SMOC1: variants seen among roughly 807,000 people sequenced by gnomAD.
The protein encoded by SMOC1 is SPARC related modular calcium binding 1, also known as SPARC-related modular calcium-binding protein 1.
SMOC1 carries 22 observed loss-of-function variants against 56.3 expected under a neutral mutation model. The observed-to-expected ratio is 0.39, with a 90% CI of 0.28 to 0.56. SMOC1 has a LOEUF of 0.56. Among genes scored for constraint, SMOC1 ranks in the 20% least tolerant of loss-of-function variants. The pLI, the probability that SMOC1 is intolerant of heterozygous loss-of-function variation, is 0.61. For missense variants in SMOC1, 509 were observed against 565.4 expected (o/e 0.90, Z 1.01); for synonymous variants, 193 against 215.0 (o/e 0.90, Z 0.89).
At chr14:69,904,025 T>G (rs1884341571) in intron 1 of SMOC1, among the ~76,000 whole-genome samples, 1 of 152,206 alleles carries the variant, frequency 6.6e-6, no homozygotes, top group Non-Finnish European at 1.5e-5. Context: ...TCAGCCTTGC[T>G]GACCTTCCAG....
intron 5 of SMOC1, 135 bp from the exon 6 acceptor site, chr14:69,992,282 C>T (rs1555363301): frequency 3.9e-6 from 3 of 778,184 alleles, no homozygotes; most frequent in Non-Finnish European, 6.5e-6. Context: ...TCTTTTGTTT[C>T]TTTTTCTTTG....
chr14:69,883,986 A>G (rs1168414017), intron 1 of SMOC1, among the ~76,000 whole-genome samples: 2 of 135,120 alleles, frequency 1.5e-5, no homozygotes, highest in African/African-American at 5.6e-5. Context: ...GGCTCACTGC[A>G]AGCTCCGCTT....
intron 5 of SMOC1, among the ~76,000 whole-genome samples, chr14:69,979,115 T>C (rs1201731597): frequency 6.6e-6 from 1 of 152,126 alleles, no homozygotes; most frequent in Non-Finnish European, 1.5e-5. Context: ...TTGGGCTTGC[T>C]GAGGGTCATT....
intron 3 of SMOC1, among the ~76,000 whole-genome samples, chr14:69,960,760 A>G (rs1320036914): frequency 6.6e-6 from 1 of 152,080 alleles, no homozygotes; most frequent in African/African-American, 2.4e-5. Flanking sequence ...TTAGCACATA[A>G]TTGTTGCTTA....
At chr14:69,975,862 C>T (rs752736874) in intron 4 of SMOC1, 48 bp downstream of exon 4, 29 of 1,380,422 alleles carry the variant, frequency 2.1e-5, no homozygotes, top group Admixed American at 8.5e-5. Context: ...GAGAGAGACC[C>T]GTTGGTTGGT....
At chr14:69,962,688 C>A (rs1883427512) in intron 3 of SMOC1, among the ~76,000 whole-genome samples, 1 of 151,982 alleles carries the variant, frequency 6.6e-6, no homozygotes, top group Admixed American at 6.6e-5. Flanking sequence ...GCGATCCTCC[C>A]ACCTCAGCCT....
At chr14:69,946,000 C>T (rs1882767816) in intron 1 of SMOC1, among the ~76,000 whole-genome samples, 3 of 152,168 alleles carry the variant, frequency 2.0e-5, no homozygotes, top group Admixed American at 6.5e-5. Flanking sequence ...AGGGTGAGAA[C>T]AGGTCTATAT....
intron 7 of SMOC1, among the ~76,000 whole-genome samples, chr14:69,999,650 A>G (rs577205786): frequency 2.4e-4 from 36 of 152,194 alleles, no homozygotes; most frequent in Non-Finnish European, 4.6e-4. Flanking sequence ...TGGCCAGTAG[A>G]ATTGAGCTGG....
In SMOC1 at chr14:70,031,355, G is replaced by A. The variant is rs1280266782; in HGVS notation, c.*1097G>A. 2 of 141,058 alleles carry A rather than the reference G, an allele frequency of 1.4e-5. No individual in the cohort carries two copies. The highest frequency in any genetic ancestry group is 2.3e-4 in the East Asian group (1 of 4,316). 8.7% of individuals were successfully genotyped at this position (141,058 alleles called of 1,614,324 possible). ...TCTCAGTGCCAGGGGCAGATTGGGT[G>A]TGACCTCTCCACTCCTCCATCTCCT... is the stretch of plus-strand genomic sequence containing the variant. On this transcript the variant is annotated 3_prime_UTR_variant, in exon 12 of 12. Coordinates refer to ENST00000361956, the MANE Select transcript of SMOC1 (RefSeq NM_001034852.3).
intron 4 of SMOC1, among the ~76,000 whole-genome samples, chr14:69,976,323 T>G (rs1883951570): frequency 6.6e-6 from 1 of 152,204 alleles, no homozygotes; most frequent in South Asian, 2.1e-4. Flanking sequence ...CAGTGGCCCT[T>G]AAATCTGACT....
chr14:69,947,425 C>T (rs1054898580), intron 1 of SMOC1, among the ~76,000 whole-genome samples: 14 of 152,172 alleles, frequency 9.2e-5, no homozygotes, highest in Non-Finnish European at 2.1e-4. Flanking sequence ...CCTTCTTGAC[C>T]TCCCAAAGTG....
At chr14:69,979,097 G>C (rs182306240) in intron 5 of SMOC1, among the ~76,000 whole-genome samples, 1 of 152,114 alleles carries the variant, frequency 6.6e-6, no homozygotes. Flanking sequence ...CAGGGCCCAC[G>C]TGGAGCCTTG....
chr14:69,896,225 A>G (rs1168805278), intron 1 of SMOC1, among the ~76,000 whole-genome samples: 1 of 152,154 alleles, frequency 6.6e-6, no homozygotes, highest in Non-Finnish European at 1.5e-5. Flanking sequence ...TGGAGGATAG[A>G]AGTCTGAGCT....
intron 5 of SMOC1, among the ~76,000 whole-genome samples, chr14:69,989,280 A>G (rs902796129): frequency 3.9e-5 from 6 of 152,168 alleles, no homozygotes; most frequent in African/African-American, 1.4e-4. Context: ...TACCTTCCTA[A>G]TGATTAACAA....
chr14:69,953,307 G>T (rs1042185654), intron 2 of SMOC1, 113 bp from the exon 3 acceptor site: 2 of 930,382 alleles, frequency 2.1e-6, no homozygotes, highest in Non-Finnish European at 3.6e-6. Context: ...GGACAAGCCA[G>T]TTAGTTGTGT....
intron 1 of SMOC1, among the ~76,000 whole-genome samples, chr14:69,950,165 C>A (rs139040653): frequency 2.1e-4 from 32 of 152,316 alleles, no homozygotes; most frequent in African/African-American, 5.8e-4. Context: ...ATTTCACTGT[C>A]CATTTGGACA....
chr14:69,879,834 C>T (rs913051842), intron 1 of SMOC1, 57 bp downstream of exon 1: 12 of 1,431,618 alleles, frequency 8.4e-6, no homozygotes, highest in African/African-American at 2.9e-5. Context: ...TTGCTTCCCC[C>T]CTCATCCCTG....
At chr14:69,905,305 T>C (rs1251530280) in intron 1 of SMOC1, among the ~76,000 whole-genome samples, 1 of 151,972 alleles carries the variant, frequency 6.6e-6, no homozygotes, top group Non-Finnish European at 1.5e-5. Context: ...GGAACGCATG[T>C]GCAAAGGCAT....
chr14:69,890,652 GCTAA>G (rs1566662342), intron 1 of SMOC1, among the ~76,000 whole-genome samples: 1 of 152,156 alleles, frequency 6.6e-6, no homozygotes, highest in Non-Finnish European at 1.5e-5. Flanking sequence ...TTCACGTTGG[GCTAA>G]CTTTTAGGGC....
Sources: allele counts gnomAD v4.1 joint callset (sites outside exome capture counted in the v4.1 genomes callset), GRCh38; gene constraint gnomAD v4.1.1; transcripts MANE v1.5; gene names NCBI Gene and HGNC (gene_info 2026-07-23, HGNC 2026-07-21).